Variants in SEMA3D observed in about 807,000 individuals in gnomAD.
SEMA3D encodes semaphorin-3D.
SEMA3D carries 84 observed loss-of-function variants against 100.1 expected under a neutral mutation model. That is an observed-to-expected ratio of 0.84 (90% CI 0.70 to 1.01). The LOEUF (loss-of-function observed/expected upper bound fraction) is 1.01. Among genes scored for constraint, SEMA3D ranks in the 50% least tolerant of loss-of-function variants. The probability of loss-of-function intolerance (pLI) is 0.00; values close to 1 mark genes in which losing one functional copy is unlikely to be tolerated. For synonymous variants in SEMA3D, 312 were observed against 320.7 expected (o/e 0.97, Z 0.29); for missense variants, 875 against 934.1 (o/e 0.94, Z 0.82).
At chr7:85,077,670 T>C (rs1041447904) in intron 5 of SEMA3D, among the ~76,000 whole-genome samples, 1 of 152,218 alleles carries the variant, frequency 6.6e-6, no homozygotes, top group Admixed American at 6.5e-5. Flanking sequence ...TTCATTCATA[T>C]GCATTTGTAT....
upstream of SEMA3D, among the ~76,000 whole-genome samples, chr7:85,187,624 C>A (rs1791597633): frequency 6.6e-6 from 1 of 152,156 alleles, no homozygotes; most frequent in African/African-American, 2.4e-5. Context: ...TGCCTCATAT[C>A]CTTGTCTTCG....
the SEMA3D span, among the ~76,000 whole-genome samples, chr7:85,247,682 A>T: frequency 6.6e-6 from 1 of 152,132 alleles, no homozygotes; most frequent in Non-Finnish European, 1.5e-5. Flanking sequence ...GCAACGTAAC[A>T]TTGGCTAAAG....
chr7:85,232,065 T>C, the SEMA3D span, among the ~76,000 whole-genome samples: 1 of 152,058 alleles, frequency 6.6e-6, no homozygotes, highest in Non-Finnish European at 1.5e-5. Flanking sequence ...ATTACCAGGG[T>C]TGGGACAGAA....
intron 11 of SEMA3D, 66 bp downstream of exon 11, chr7:85,040,607 A>G (rs1428469807): frequency 2.4e-6 from 2 of 819,014 alleles, no homozygotes; most frequent in African/African-American, 1.7e-5. Context: ...AAAAGATCCT[A>G]TAACTATATT....
In SEMA3D at chr7:85,113,245, T is replaced by C. The variant is rs564705627; in HGVS notation, c.151+8496A>G. On this transcript the variant is annotated intron_variant, in intron 3 of 18. Transcript: ENST00000284136. ...TCATATAATACGAAACCTGGAAATATAGAACATTCTGACCTCCATGATTCC... is the reference window on the plus strand; with the variant it reads ...TCATATAATACGAAACCTGGAAATACAGAACATTCTGACCTCCATGATTCC... Among the ~76,000 whole-genome samples, 5 of 152,244 alleles carry C rather than the reference T, an allele frequency of 3.3e-5. No homozygotes were observed. The East Asian group carries it at 5.8e-4, about 18-fold the overall frequency.
intron 12 of SEMA3D, chr7:85,027,920 T>C: frequency 3.4e-6 from 2 of 586,340 alleles, no homozygotes; most frequent in Non-Finnish European, 3.3e-6. Context: ...TAATTGCCAA[T>C]GATCAGGGAA....
chr7:85,023,574 T>G (rs1322748317), intron 12 of SEMA3D, among the ~76,000 whole-genome samples: 1 of 151,874 alleles, frequency 6.6e-6, no homozygotes, highest in African/African-American at 2.4e-5. Flanking sequence ...AAGGACAGAT[T>G]TTTTTAATGG....
the SEMA3D span, among the ~76,000 whole-genome samples, chr7:85,236,275 ATTTTAT>A: frequency 7.2e-6 from 1 of 139,478 alleles, no homozygotes; most frequent in South Asian, 2.1e-4. Flanking sequence ...ATTTTATTTT[ATTTTAT>A]TTTATTTATT....
At chr7:85,118,734 C>A (rs1200476301) in intron 3 of SEMA3D, among the ~76,000 whole-genome samples, 1 of 152,094 alleles carries the variant, frequency 6.6e-6, no homozygotes, top group Non-Finnish European at 1.5e-5. Context: ...TTGACTCAAG[C>A]CTGCTAACTC....
At chr7:85,133,004 G>A (rs1213209808) in intron 2 of SEMA3D, among the ~76,000 whole-genome samples, 1 of 151,946 alleles carries the variant, frequency 6.6e-6, no homozygotes, top group African/African-American at 2.4e-5. Context: ...TGTATAGAAT[G>A]AGTTGGGGTA....
intron 17 of SEMA3D, among the ~76,000 whole-genome samples, chr7:85,008,288 T>C (rs1007249714): frequency 6.6e-6 from 1 of 151,746 alleles, no homozygotes; most frequent in Non-Finnish European, 1.5e-5. Flanking sequence ...ACCAAAGAAT[T>C]GGTCAATTTA....
At chr7:85,019,431 C>G (rs1345657747) in intron 14 of SEMA3D, among the ~76,000 whole-genome samples, 1 of 151,646 alleles carries the variant, frequency 6.6e-6, no homozygotes, top group Non-Finnish European at 1.5e-5. Context: ...ATCATCACAA[C>G]ATAAACAGGA....
chr7:85,094,440 C>A (rs1468587662), intron 4 of SEMA3D, among the ~76,000 whole-genome samples: 1 of 151,900 alleles, frequency 6.6e-6, no homozygotes, highest in African/African-American at 2.4e-5. Flanking sequence ...GAAATATTTG[C>A]CACATTATCA....
Position 84,999,677 on chromosome 7 carries a change from C to T in SEMA3D, c.2097G>A (p.Glu699=). ...CAGCCAATAGATCCTTGACCTTCCC[C>T]TCCTCATGCTCTGCCCTCTGGGTAT... The part of the protein sequence containing the change: ...MENTQRAEHE[E]GKVKDLLAES... Residue 699 remains glutamate (E), a synonymous_variant, in exon 19 of 19, where the codon GAG becomes GAA. Coordinates refer to ENST00000284136, the MANE Select transcript of SEMA3D (RefSeq NM_001384900.1). 3 of 1,614,052 alleles carry T rather than the reference C, an allele frequency of 1.9e-6. No homozygotes were observed. Among genetic ancestry groups the T allele is most frequent in the Non-Finnish European group, 2.5e-6 (3 of 1,179,994 alleles).
the SEMA3D span, among the ~76,000 whole-genome samples, chr7:85,228,584 T>C: frequency 1.3e-5 from 2 of 152,102 alleles, no homozygotes; most frequent in East Asian, 3.9e-4. Context: ...CTGTTCTTTC[T>C]TTGTGTAATC....
the SEMA3D span, among the ~76,000 whole-genome samples, chr7:85,228,481 T>C: frequency 6.6e-6 from 1 of 152,142 alleles, no homozygotes; most frequent in South Asian, 2.1e-4. Flanking sequence ...TATCTACTGG[T>C]ACACAGTGGT....
At chr7:85,026,439 A>C (rs908962186) in intron 12 of SEMA3D, among the ~76,000 whole-genome samples, 29 of 152,202 alleles carry the variant, frequency 1.9e-4, no homozygotes, top group Middle Eastern at 3.4e-3. Flanking sequence ...ATTAGGAAAG[A>C]CTTGCTTAAA....
intron 7 of SEMA3D, among the ~76,000 whole-genome samples, chr7:85,067,088 TA>T (rs1163055721): frequency 6.6e-6 from 1 of 152,148 alleles, no homozygotes; most frequent in African/African-American, 2.4e-5. Context: ...ACAAAGACAT[TA>T]TTAAAAAGTT....
intron 8 of SEMA3D, among the ~76,000 whole-genome samples, chr7:85,060,433 G>A (rs1409458634): frequency 6.6e-6 from 1 of 151,968 alleles, no homozygotes; most frequent in Non-Finnish European, 1.5e-5. Context: ...GTAAAAATAG[G>A]TATCATTTAA....
Sources: allele counts gnomAD v4.1 joint callset (sites outside exome capture counted in the v4.1 genomes callset), GRCh38; gene constraint gnomAD v4.1.1; transcripts MANE v1.5; gene names NCBI Gene and HGNC (gene_info 2026-07-23, HGNC 2026-07-21).